The following BAIAP2 variants were observed in gnomAD, a reference collection of about 807,000 sequenced individuals.
The protein encoded by BAIAP2 is BAR/IMD domain-containing adapter protein 2.
A neutral mutation model predicts 63.0 loss-of-function variants in BAIAP2; 18 were observed. The ratio of observed to expected loss-of-function variants is 0.29; its 90% CI spans 0.20 to 0.42. The LOEUF is 0.42. Among genes scored for constraint, BAIAP2 ranks in the 10% least tolerant of loss-of-function variants. The pLI is 1.00. For synonymous variants in BAIAP2, 386 were observed against 307.6 expected, an observed-to-expected ratio of 1.25 and a Z score of -2.67; for missense variants, 610 against 734.3, an observed-to-expected ratio of 0.83 and a Z score of 1.96.
In BAIAP2 at chr17:81,100,075, T is replaced by G; in HGVS notation, c.637T>G (p.Ser213Ala). 1 of 1,609,244 alleles carries G rather than the reference T, an allele frequency of 6.2e-7. No homozygotes were observed. Residue 213 changes from serine (S) to alanine (A), a missense_variant, in exon 7 of 14, where the codon TCC (serine) becomes GCC (alanine). By Grantham distance (99) the Ser-to-Ala change is moderately conservative. Transcript: ENST00000428708. ...AVAKNSAAYH[S>A]KGKELLAQKL... is the part of the protein sequence containing the mutation. ...GGCCAAGAACTCCGCGGCCTACCAC[T>G]CCAAGGTGAGGCGGCTGGGGGCTGC...
chr17:81,097,847 G>A (rs1181089909), intron 6 of BAIAP2, among the ~76,000 whole-genome samples: 8 of 152,262 alleles, frequency 5.3e-5, no homozygotes, highest in East Asian at 3.9e-4. Context: ...TCTGTGCCTC[G>A]GGTGCTCCTC....
chr17:81,103,598 G>A lies in BAIAP2; in HGVS notation c.739G>A (p.Val247Met). The A allele has an allele frequency of 6.2e-7, 1 of 1,605,196 alleles. No homozygotes were observed. The highest frequency in any genetic ancestry group is 8.5e-7 in the Non-Finnish European group (1 of 1,179,352). Residue 247 changes from valine to methionine, a missense_variant, in exon 8 of 14, where the codon GTG becomes ATG. Physicochemically the swap from Val to Met is conservative, Grantham distance 21. This residue lies in a region of BAIAP2 where 389 missense variants were observed against 455.6 expected (regional missense o/e 0.85). Coordinates refer to ENST00000428708, the MANE Select transcript of BAIAP2 (RefSeq NM_001144888.2). ...GCGCGCGGTGCAGCTCATGCAGCAG[G>A]TGGCCAGCAACGGCGCCACCCTCCC... is the stretch of plus-strand genomic sequence containing the variant. Reference protein sequence around the residue: ...PERAVQLMQQVASNGATLPSA... With the variant: ...PERAVQLMQQMASNGATLPSA...
chr17:81,095,622 C>T (rs573157351), intron 6 of BAIAP2, among the ~76,000 whole-genome samples: 7 of 152,214 alleles, frequency 4.6e-5, no homozygotes, highest in African/African-American at 1.7e-4. Context: ...GGCTCCAAGG[C>T]AGGAGGTGTC....
At chr17:81,098,039 C>T in intron 6 of BAIAP2, 1 of 1,148,628 alleles carries the variant, frequency 8.7e-7, no homozygotes, top group South Asian at 3.9e-5. Context: ...GCTGTGGTGT[C>T]ACGCGCTACC....
Position 81,061,201 on chromosome 17 carries a change from C to A in BAIAP2, c.217+3234C>A, listed in dbSNP as rs549145434. Among the ~76,000 whole-genome samples, 8 of 152,324 alleles carry A rather than the reference C, an allele frequency of 5.3e-5. No homozygotes were observed. In the South Asian group the frequency reaches 1.5e-3, roughly 28 times the overall value. Reference sequence around the variant, plus strand: ...TTAGCCTTTTTATGCTGTCCCTTGCCCCACCCAGTATAATTATCACAGTAT... The same window carrying A: ...TTAGCCTTTTTATGCTGTCCCTTGCACCACCCAGTATAATTATCACAGTAT... On this transcript the variant is annotated intron_variant, in intron 3 of 13. Transcript: ENST00000428708.
chr17:81,063,504 G>A (rs749378265), intron 3 of BAIAP2, among the ~76,000 whole-genome samples: 6 of 152,238 alleles, frequency 3.9e-5, no homozygotes, highest in Non-Finnish European at 7.3e-5. Context: ...GAGCTCTCCT[G>A]CGGGATGAAT....
intron 6 of BAIAP2, among the ~76,000 whole-genome samples, chr17:81,092,985 G>T: frequency 6.6e-6 from 1 of 152,254 alleles, no homozygotes; most frequent in East Asian, 1.9e-4. Context: ...TGTGCCCACC[G>T]CTCGGGGGCA....
intron 6 of BAIAP2, among the ~76,000 whole-genome samples, chr17:81,091,130 C>T (rs1024833556): frequency 9.3e-5 from 14 of 150,992 alleles, no homozygotes; most frequent in Non-Finnish European, 1.6e-4. Context: ...TGTGTGGCCC[C>T]ACCCCTTGGT....
rs1393783472 is a variant in BAIAP2, at chr17:81,037,020, ACT to A, written c.54+1716_54+1717del. 18 of 1,427,324 alleles carry A rather than the reference ACT, an allele frequency of 1.3e-5. No individual in the cohort carries two copies. The African/African-American group carries it at 2.0e-4, about 16-fold the overall frequency. The allele number at this position is 1,427,324 out of a possible 1,614,324, so 88.4% of individuals were successfully genotyped here. On this transcript the variant is annotated intron_variant, in intron 1 of 13. Transcript: ENST00000428708. ...CGACCCCGTGATCGTCCTTAATAAA[ACT>A]CTCCTAACCGGGCAGTAGGCCTTCA...
intron 13 of BAIAP2, among the ~76,000 whole-genome samples, chr17:81,111,776 C>G (rs2059956305): frequency 6.6e-6 from 1 of 152,242 alleles, no homozygotes. Context: ...GGCCCTTGCC[C>G]ACACCTTCCA....
intron 13 of BAIAP2, chr17:81,110,384 C>G: frequency 1.0e-6 from 1 of 987,444 alleles, no homozygotes; most frequent in Non-Finnish European, 1.2e-6. Context: ...AGACACAAAA[C>G]AGCAACACTT....
intron 1 of BAIAP2, among the ~76,000 whole-genome samples, chr17:81,051,317 C>T (rs1467266503): frequency 2.0e-5 from 3 of 152,238 alleles, no homozygotes; most frequent in Admixed American, 6.5e-5. Flanking sequence ...ATGGGTCTCC[C>T]AGCATACGCC....
chr17:81,116,369 C>A lies in BAIAP2; in HGVS notation c.*530C>A. 1 of 1,590,568 alleles carries A rather than the reference C, an allele frequency of 6.3e-7. No individual in the cohort carries two copies. The highest frequency in any genetic ancestry group is 1.1e-5 in the South Asian group (1 of 89,512). The stretch of plus-strand genomic sequence containing the variant: ...CTACACCTGGAGTGTGGGGCCTGGT[C>A]CCTCCCCATGCCCCTCGGTGGGGCT... On this transcript the variant is annotated 3_prime_UTR_variant, in exon 14 of 14. Coordinates refer to ENST00000428708, the MANE Select transcript of BAIAP2 (RefSeq NM_001144888.2).
chr17:81,063,567 A>G (rs2144561587), intron 3 of BAIAP2, among the ~76,000 whole-genome samples: 1 of 152,228 alleles, frequency 6.6e-6, no homozygotes, highest in South Asian at 2.1e-4. Context: ...TAAGTGAAGG[A>G]GGCGTTCGTC....
chr17:81,077,504 G>T (rs1319093832), intron 3 of BAIAP2, among the ~76,000 whole-genome samples: 1 of 151,858 alleles, frequency 6.6e-6, no homozygotes, highest in Non-Finnish European at 1.5e-5. Flanking sequence ...GGAGGCGGAG[G>T]TTGCAGTGAG....
intron 6 of BAIAP2, chr17:81,098,202 C>T (rs769286960): frequency 7.1e-7 from 1 of 1,416,750 alleles, no homozygotes; most frequent in South Asian, 1.5e-5. Flanking sequence ...TCAGGTGAGT[C>T]ATACAACAAG....
intron 2 of BAIAP2, among the ~76,000 whole-genome samples, chr17:81,055,870 G>A (rs890449135): frequency 1.3e-5 from 2 of 152,140 alleles, no homozygotes; most frequent in Admixed American, 6.6e-5. Context: ...CCGGCCGTCT[G>A]CAGGGTTTTC....
At chr17:81,080,385 C>T (rs777526580) in intron 3 of BAIAP2, among the ~76,000 whole-genome samples, 15 of 152,248 alleles carry the variant, frequency 9.9e-5, no homozygotes, top group Non-Finnish European at 1.6e-4. Context: ...AAGCTCAGGG[C>T]GGGCACACGC....
chr17:81,114,673 A>G (rs2060312930), intron 13 of BAIAP2, among the ~76,000 whole-genome samples: 1 of 152,210 alleles, frequency 6.6e-6, no homozygotes, highest in Non-Finnish European at 1.5e-5. Context: ...AGTTCTTAGA[A>G]AACACAAAGT....
Sources: allele counts gnomAD v4.1 joint callset (sites outside exome capture counted in the v4.1 genomes callset), GRCh38; gene constraint gnomAD v4.1.1; regional missense constraint gnomAD v4.1.1; transcripts MANE v1.5; gene names NCBI Gene and HGNC (gene_info 2026-07-23, HGNC 2026-07-21).